Variants in KLF17 observed in about 807,000 individuals in gnomAD.
The protein encoded by KLF17 is Krueppel-like factor 17.
Under a neutral mutation model 34.2 loss-of-function variants are expected in KLF17, and 31 were observed. That is an observed-to-expected ratio of 0.91 (90% CI 0.68 to 1.22). KLF17 has a LOEUF of 1.22. Ranked by LOEUF, KLF17 falls within the 50% of genes most tolerant of loss-of-function variation. The pLI, the probability that KLF17 is intolerant of heterozygous loss-of-function variation, is 0.00. For synonymous variants in KLF17, 179 were observed against 186.7 expected, an observed-to-expected ratio of 0.96 and a Z score of 0.34; for missense variants, 478 against 505.2, an observed-to-expected ratio of 0.95 and a Z score of 0.52.
upstream of KLF17, chr1:44,114,455 C>T (rs922179804): frequency 1.3e-5 from 2 of 152,186 alleles, no homozygotes; most frequent in African/African-American, 2.4e-5. Flanking sequence ...AATGGGACGT[C>T]GGGGTGCAGC....
chr1:44,103,792 C>T, the KLF17 span: 1 of 923,564 alleles, frequency 1.1e-6, no homozygotes, highest in East Asian at 2.4e-5. Context: ...TCCAGGGAAG[C>T]CCTCTGGCCT....
At chr1:44,132,434 TG>T (rs2088122598) in intron 3 of KLF17, among the ~76,000 whole-genome samples, 2 of 152,126 alleles carry the variant, frequency 1.3e-5, no homozygotes, top group African/African-American at 2.4e-5. Context: ...GTACCATCAA[TG>T]GGGAGGCCTC....
At chr1:44,127,009 A>G (rs1333909036) in intron 1 of KLF17, among the ~76,000 whole-genome samples, 2 of 145,702 alleles carry the variant, frequency 1.4e-5, no homozygotes, top group Non-Finnish European at 3.0e-5. Flanking sequence ...GATCCTTTCC[A>G]CTTCAGCCTC....
At chr1:44,066,272 T>C in the KLF17 span, among the ~76,000 whole-genome samples, 2 of 151,658 alleles carry the variant, frequency 1.3e-5, no homozygotes, top group Admixed American at 6.6e-5. Context: ...TGAGCCATGA[T>C]TGCACCACTG....
the KLF17 span, among the ~76,000 whole-genome samples, chr1:44,090,306 C>CAAAAAAAAAAAAAAAA: frequency 5.1e-4 from 12 of 23,416 alleles, 3 homozygotes; most frequent in African/African-American, 9.7e-4. Flanking sequence ...CTTGTCTCTA[C>CAAAAAAAAAAAAAAAA]AAAAAAAAAA....
At chr1:44,056,072 G>A in the KLF17 span, among the ~76,000 whole-genome samples, 24 of 152,202 alleles carry the variant, frequency 1.6e-4, no homozygotes, top group South Asian at 1.2e-3. Context: ...CTCTCATGCC[G>A]CATCTCAGCT....
chr1:44,127,071 T>G (rs907986960), intron 1 of KLF17, among the ~76,000 whole-genome samples: 2 of 150,768 alleles, frequency 1.3e-5, no homozygotes, highest in African/African-American at 2.4e-5. Context: ...TTGTTTTTTT[T>G]TTTTTTTTTT....
chr1:44,094,251 G>C, the KLF17 span, among the ~76,000 whole-genome samples: 1 of 151,872 alleles, frequency 6.6e-6, no homozygotes, highest in African/African-American at 2.4e-5. Context: ...TTAATCCCTT[G>C]TCAGATGGGT....
At chr1:44,104,113 T>G in the KLF17 span, 1 of 992,298 alleles carries the variant, frequency 1.0e-6, no homozygotes, top group East Asian at 2.4e-5. Context: ...AGGAAGTTGA[T>G]CTCGTCAGTC....
At chr1:44,084,369 C>G in the KLF17 span, among the ~76,000 whole-genome samples, 1 of 152,080 alleles carries the variant, frequency 6.6e-6, no homozygotes, top group African/African-American at 2.4e-5. Flanking sequence ...TTGCCTAATC[C>G]TGGAAGCGAA....
chr1:44,094,101 G>T, the KLF17 span, among the ~76,000 whole-genome samples: 1 of 152,272 alleles, frequency 6.6e-6, no homozygotes, highest in East Asian at 1.9e-4. Flanking sequence ...CCACGATTTT[G>T]CAGGCTGACT....
intron 1 of KLF17, among the ~76,000 whole-genome samples, chr1:44,128,815 C>T (rs987357884): frequency 6.6e-6 from 1 of 152,112 alleles, no homozygotes; most frequent in African/African-American, 2.4e-5. Context: ...GAGCTCAAGA[C>T]CAGCTTGACC....
chr1:44,086,549 G>A, the KLF17 span, among the ~76,000 whole-genome samples: 2 of 152,036 alleles, frequency 1.3e-5, no homozygotes, highest in Non-Finnish European at 2.9e-5. Context: ...GCTGGAAGGG[G>A]GAATAAGAAA....
the KLF17 span, chr1:44,103,759 G>A: frequency 8.7e-7 from 1 of 1,155,376 alleles, no homozygotes; most frequent in South Asian, 1.2e-5. Flanking sequence ...TCCTCAGGCT[G>A]CTCGGCATCT....
the KLF17 span, among the ~76,000 whole-genome samples, chr1:44,071,429 C>G: frequency 2.0e-5 from 3 of 152,186 alleles, no homozygotes; most frequent in Non-Finnish European, 2.9e-5. Context: ...CTTTCAGGTA[C>G]TTAAATTCAC....
chr1:44,091,691 G>C, the KLF17 span, among the ~76,000 whole-genome samples: 23,811 of 147,978 alleles, frequency 0.16, 2,398 homozygotes, highest in South Asian at 0.27. Context: ...CTCCATACTT[G>C]TTAAGAGAAT....
At chr1:44,049,589 C>A in the KLF17 span, among the ~76,000 whole-genome samples, 3 of 152,172 alleles carry the variant, frequency 2.0e-5, no homozygotes, top group Non-Finnish European at 2.9e-5. Flanking sequence ...GTCAAGCAAT[C>A]CTCTGAGCTC....
At chr1:44,116,161 G>C (rs1375116271), upstream of KLF17, among the ~76,000 whole-genome samples, 1 of 152,166 alleles carries the variant, frequency 6.6e-6, no homozygotes, top group African/African-American at 2.4e-5. Flanking sequence ...TCAAATGGGA[G>C]TCAGAGATGG....
chr1:44,086,062 C>G, the KLF17 span, among the ~76,000 whole-genome samples: 1 of 152,128 alleles, frequency 6.6e-6, no homozygotes, highest in Admixed American at 6.6e-5. Flanking sequence ...GCAGACTAGC[C>G]CTGGAGGAGC....
Sources: allele counts gnomAD v4.1 joint callset (sites outside exome capture counted in the v4.1 genomes callset), GRCh38; gene constraint gnomAD v4.1.1; transcripts MANE v1.5; gene names NCBI Gene and HGNC (gene_info 2026-07-23, HGNC 2026-07-21).